The following GALNT2 variants were observed in gnomAD, a reference collection of about 807,000 sequenced individuals.
The protein encoded by GALNT2 is UDP-GalNAc:polypeptide N-acetylgalactosaminyltransferase 2.
In GALNT2, 31 loss-of-function variants were observed where a neutral mutation model predicts 81.4. That is an observed-to-expected ratio of 0.38 (90% CI 0.29 to 0.51). GALNT2 has a LOEUF of 0.51. Among genes scored for constraint, GALNT2 ranks in the 20% least tolerant of loss-of-function variants. The pLI, the probability that GALNT2 is intolerant of heterozygous loss-of-function variation, is 0.87. For missense variants in GALNT2, 629 were observed against 765.7 expected, an observed-to-expected ratio of 0.82 and a Z score of 2.11; for synonymous variants, 303 against 287.4, an observed-to-expected ratio of 1.05 and a Z score of -0.55.
At chr1:230,167,799 C>T (rs1027240012) in intron 1 of GALNT2, among the ~76,000 whole-genome samples, 1 of 152,196 alleles carries the variant, frequency 6.6e-6, no homozygotes, top group African/African-American at 2.4e-5. Context: ...CCTGCGGCTG[C>T]TCCACTGTGG....
intron 15 of GALNT2, among the ~76,000 whole-genome samples, chr1:230,278,683 C>A (rs1183812673): frequency 6.6e-6 from 1 of 152,178 alleles, no homozygotes; most frequent in East Asian, 1.9e-4. Context: ...TTTCTCATAT[C>A]CACCAAGGAG....
At chr1:230,077,212 T>TC (rs1156816224) in intron 1 of GALNT2, among the ~76,000 whole-genome samples, 5 of 152,166 alleles carry the variant, frequency 3.3e-5, no homozygotes, top group Non-Finnish European at 7.3e-5. Context: ...TCTGGGGCTT[T>TC]CCCCTTGACC....
At chr1:230,197,426 GC>G (rs202025535) in intron 2 of GALNT2, among the ~76,000 whole-genome samples, 8 of 151,994 alleles carry the variant, frequency 5.3e-5, no homozygotes, top group South Asian at 2.1e-4. Flanking sequence ...CTTCCTGCTC[GC>G]CCCCCCGGGG....
chr1:230,278,426 T>A (rs1666353547), intron 15 of GALNT2, among the ~76,000 whole-genome samples: 1 of 152,140 alleles, frequency 6.6e-6, no homozygotes, highest in South Asian at 2.1e-4. Flanking sequence ...GCACTCAGGC[T>A]GAAAGGGGTA....
chr1:230,164,082 C>T (rs1365896518), intron 1 of GALNT2, among the ~76,000 whole-genome samples: 2 of 152,168 alleles, frequency 1.3e-5, no homozygotes, highest in Non-Finnish European at 2.9e-5. Flanking sequence ...AAATACCATA[C>T]CTCAAAGATA....
intron 1 of GALNT2, among the ~76,000 whole-genome samples, chr1:230,173,544 A>T (rs1290813185): frequency 6.6e-6 from 1 of 152,210 alleles, no homozygotes; most frequent in African/African-American, 2.4e-5. Flanking sequence ...TTACAAGATC[A>T]CAGGCTTTGA....
chr1:230,231,689 C>A (rs910627023), intron 3 of GALNT2, among the ~76,000 whole-genome samples: 3 of 152,308 alleles, frequency 2.0e-5, no homozygotes, highest in South Asian at 4.1e-4. Flanking sequence ...TGAAAGCCAT[C>A]TAATCTCAGA....
chr1:230,192,193 G>A (rs758943819), intron 2 of GALNT2, among the ~76,000 whole-genome samples: 5 of 152,218 alleles, frequency 3.3e-5, no homozygotes, highest in South Asian at 2.1e-4. Context: ...GTGAGTTGTC[G>A]GGTGCAGTGG....
intron 1 of GALNT2, among the ~76,000 whole-genome samples, chr1:230,104,949 G>C (rs907233151): frequency 1.3e-5 from 2 of 152,210 alleles, no homozygotes; most frequent in Admixed American, 6.5e-5. Flanking sequence ...GAATCAGAGT[G>C]GGGGAAAGTG....
rs1336007419 is a variant in GALNT2, at chr1:230,257,129, C to T, written c.1136+1785C>T. On this transcript the variant is annotated intron_variant, in intron 11 of 15. Coordinates refer to ENST00000366672, the MANE Select transcript of GALNT2 (RefSeq NM_004481.5). This position sits in a 1 kb window ranked among gnomAD's most constrained non-coding sequence, Gnocchi z 4.6. ...GAGCTAGACAGGCCCGGGCCATGCA[C>T]CTTTGCAGGTCATGGGAAACGTTGG... Among the ~76,000 whole-genome samples, 1 of 152,200 alleles carries T rather than the reference C, an allele frequency of 6.6e-6. No homozygotes were observed. The highest frequency in any genetic ancestry group is 1.9e-4 in the East Asian group (1 of 5,188).
At chr1:230,204,485 G>T (rs1018601713) in intron 3 of GALNT2, among the ~76,000 whole-genome samples, 4 of 152,174 alleles carry the variant, frequency 2.6e-5, no homozygotes, top group Admixed American at 2.0e-4. Context: ...ATTCTTCAAA[G>T]ATCTTGAGAG....
intron 10 of GALNT2, among the ~76,000 whole-genome samples, chr1:230,252,469 A>G (rs4846848): frequency 0.58 from 88,142 of 152,048 alleles, 28,588 homozygotes; most frequent in East Asian, 0.89. Flanking sequence ...CATCCCTGTC[A>G]TGCAAGGATG....
At chr1:230,180,131 C>G (rs1311007769) in intron 2 of GALNT2, among the ~76,000 whole-genome samples, 1 of 152,082 alleles carries the variant, frequency 6.6e-6, no homozygotes, top group Non-Finnish European at 1.5e-5. Context: ...GTTGGCCAGG[C>G]TGGTCTCAAA....
chr1:230,116,014 TCTC>T (rs1299153067), intron 1 of GALNT2, among the ~76,000 whole-genome samples: 1 of 152,220 alleles, frequency 6.6e-6, no homozygotes, highest in Non-Finnish European at 1.5e-5. Flanking sequence ...TGCAGTTCCT[TCTC>T]CACTCTAGTC....
intron 3 of GALNT2, among the ~76,000 whole-genome samples, chr1:230,210,758 T>C (rs1664209254): frequency 6.6e-6 from 1 of 152,210 alleles, no homozygotes; most frequent in South Asian, 2.1e-4. Context: ...TTTATTTATT[T>C]TTTAGGGGCA....
intron 1 of GALNT2, among the ~76,000 whole-genome samples, chr1:230,164,658 T>A (rs1179276774): frequency 6.6e-6 from 1 of 151,950 alleles, no homozygotes; most frequent in African/African-American, 2.4e-5. Context: ...CTCAGCCTCC[T>A]GAGTAGCTGG....
chr1:230,072,994 T>G (rs138250619), intron 1 of GALNT2, among the ~76,000 whole-genome samples: 1 of 152,228 alleles, frequency 6.6e-6, no homozygotes, highest in African/African-American at 2.4e-5. Context: ...TTGAGAGTTC[T>G]GGTTCCACCA....
At chr1:230,201,487 A>G (rs1428897277) in intron 2 of GALNT2, among the ~76,000 whole-genome samples, 1 of 152,216 alleles carries the variant, frequency 6.6e-6, no homozygotes, top group African/African-American at 2.4e-5. Context: ...CATCTCTGAA[A>G]TAGAGAAAGG....
intron 1 of GALNT2, among the ~76,000 whole-genome samples, chr1:230,106,086 A>G (rs1410878868): frequency 6.6e-6 from 1 of 152,228 alleles, no homozygotes; most frequent in African/African-American, 2.4e-5. Context: ...TTGGTGACAC[A>G]GTGCATGAGG....
Sources: gnomAD v4.1 joint callset for allele counts (sites outside exome capture counted in the v4.1 genomes callset) on GRCh38, gnomAD v4.1.1 for gene constraint, Gnocchi (gnomAD v3.1) non-coding constraint, MANE v1.5 for transcripts, NCBI Gene and HGNC (gene_info 2026-07-23, HGNC 2026-07-21) for gene names.